The following ROBO1 variants were observed in gnomAD, a reference collection of about 807,000 sequenced individuals.
ROBO1 encodes the protein roundabout homolog 1.
Under a neutral mutation model 195.9 loss-of-function variants are expected in ROBO1, and 149 were observed. That is an observed-to-expected ratio of 0.76 (90% CI 0.67 to 0.87). ROBO1 has a LOEUF of 0.87. ROBO1 is among the 40% of genes least tolerant of loss of function. ROBO1 has a pLI of 0.00. For missense variants in ROBO1, 1,933 were observed against 2,068.3 expected (o/e 0.93, Z 1.27); for synonymous variants, 816 against 733.2 (o/e 1.11, Z -1.82).
At chr3:78,722,434 T>A (rs549637184) in intron 5 of ROBO1, among the ~76,000 whole-genome samples, 35 of 152,252 alleles carry the variant, frequency 2.3e-4, no homozygotes, top group African/African-American at 7.9e-4. Context: ...AGCATATGGT[T>A]ACACAGTGTT....
chr3:79,257,380 G>T (rs558658458), intron 2 of ROBO1, among the ~76,000 whole-genome samples: 1 of 152,270 alleles, frequency 6.6e-6, no homozygotes, highest in African/African-American at 2.4e-5. Flanking sequence ...ACAAACTGAA[G>T]TTGACTCTCT....
chr3:78,901,595 A>G (rs1460670941), intron 4 of ROBO1, among the ~76,000 whole-genome samples: 1 of 152,140 alleles, frequency 6.6e-6, no homozygotes, highest in Non-Finnish European at 1.5e-5. Context: ...TTTTAAAATT[A>G]TTTTTGACTA....
At chr3:78,693,222 A>G in intron 8 of ROBO1, 2 of 1,295,098 alleles carry the variant, frequency 1.5e-6, no homozygotes, top group Non-Finnish European at 1.1e-6. Flanking sequence ...CTTTGTGGCC[A>G]ATGACAAGTG....
At chr3:79,605,342 T>C (rs1174384179) in intron 1 of ROBO1, among the ~76,000 whole-genome samples, 2 of 151,864 alleles carry the variant, frequency 1.3e-5, no homozygotes, top group Non-Finnish European at 1.5e-5. Flanking sequence ...GATTCTTTTC[T>C]GGGAAAATTC....
chr3:79,431,381 T>G (rs1397743646), intron 2 of ROBO1, among the ~76,000 whole-genome samples: 1 of 152,122 alleles, frequency 6.6e-6, no homozygotes, highest in Non-Finnish European at 1.5e-5. Context: ...ACCGTGCAAG[T>G]GGTCCCCCAA....
chr3:78,711,031 T>C (rs1351314026), intron 8 of ROBO1, among the ~76,000 whole-genome samples: 5 of 152,212 alleles, frequency 3.3e-5, no homozygotes, highest in Non-Finnish European at 7.3e-5. Context: ...TTCACCTCCA[T>C]TCTTTTTAAA....
intron 3 of ROBO1, among the ~76,000 whole-genome samples, chr3:78,953,096 T>C (rs1257011915): frequency 6.6e-6 from 1 of 152,058 alleles, no homozygotes; most frequent in Non-Finnish European, 1.5e-5. Context: ...GAAAGAATTT[T>C]GCCTCCCCTC....
At chr3:78,738,849 T>C (rs1348205721) in intron 5 of ROBO1, among the ~76,000 whole-genome samples, 1 of 152,182 alleles carries the variant, frequency 6.6e-6, no homozygotes, top group Non-Finnish European at 1.5e-5. Context: ...AGCTATGCAA[T>C]AAGTAGATGA....
At chr3:79,393,938 A>C (rs534619436) in intron 2 of ROBO1, among the ~76,000 whole-genome samples, 2 of 152,264 alleles carry the variant, frequency 1.3e-5, no homozygotes, top group East Asian at 3.9e-4. Flanking sequence ...AGAAAAAAAG[A>C]ATCCTGCAGT....
At chr3:79,137,442 A>G (rs1361326781) in intron 2 of ROBO1, among the ~76,000 whole-genome samples, 1 of 150,802 alleles carries the variant, frequency 6.6e-6, no homozygotes, top group Non-Finnish European at 1.5e-5. Context: ...TTTTTTTCTC[A>G]TTTTCTGGTT....
intron 2 of ROBO1, among the ~76,000 whole-genome samples, chr3:79,174,173 A>G (rs1243094590): frequency 6.6e-6 from 1 of 152,074 alleles, no homozygotes; most frequent in Admixed American, 6.5e-5. Context: ...GCTCTTTGCA[A>G]TAAATCTTGC....
intron 4 of ROBO1, among the ~76,000 whole-genome samples, chr3:78,769,618 G>GTTTTTTTTT (rs34157314): frequency 1.4e-4 from 12 of 83,998 alleles, no homozygotes; most frequent in East Asian, 8.8e-4. Context: ...GTGTACTTTG[G>GTTTTTTTTT]TTTTTTTTTT....
intron 2 of ROBO1, among the ~76,000 whole-genome samples, chr3:79,245,905 C>T (rs1003887690): frequency 6.6e-6 from 1 of 152,054 alleles, no homozygotes; most frequent in Non-Finnish European, 1.5e-5. Flanking sequence ...ACTGTAATCC[C>T]ACCAGGGATC....
intron 4 of ROBO1, among the ~76,000 whole-genome samples, chr3:78,911,689 T>A (rs1251162300): frequency 3.3e-5 from 5 of 152,028 alleles, no homozygotes; most frequent in Non-Finnish European, 5.9e-5. Flanking sequence ...ATTGATATGG[T>A]CATTGCAATT....
intron 8 of ROBO1, among the ~76,000 whole-genome samples, chr3:78,711,995 T>A (rs2081763892): frequency 8.5e-6 from 1 of 118,340 alleles, no homozygotes; most frequent in Admixed American, 1.0e-4. Context: ...CAGCAGAATT[T>A]GGGATTACAA....
chr3:79,293,974 C>T (rs1426703156), intron 2 of ROBO1, among the ~76,000 whole-genome samples: 8 of 132,226 alleles, frequency 6.1e-5, no homozygotes, highest in African/African-American at 8.7e-5. Context: ...AGGAGAATGG[C>T]GTGAACCCGG....
chr3:78,656,207 C>T (rs1352618403), intron 18 of ROBO1, among the ~76,000 whole-genome samples: 1 of 151,852 alleles, frequency 6.6e-6, no homozygotes, highest in African/African-American at 2.4e-5. Context: ...TATTCCAATA[C>T]TCTTTGACAT....
chr3:79,193,882 A>G (rs1213878807), intron 2 of ROBO1, among the ~76,000 whole-genome samples: 1 of 151,586 alleles, frequency 6.6e-6, no homozygotes, highest in Non-Finnish European at 1.5e-5. Context: ...CTACAATTAT[A>G]GAAACCAAGA....
intron 2 of ROBO1, among the ~76,000 whole-genome samples, chr3:79,395,853 T>C (rs1330300790): frequency 1.3e-5 from 2 of 152,166 alleles, no homozygotes; most frequent in East Asian, 1.9e-4. Context: ...ACAGTTTTTT[T>C]CTGATTTTCC....
Sources: allele counts gnomAD v4.1 joint callset (sites outside exome capture counted in the v4.1 genomes callset), GRCh38; gene constraint gnomAD v4.1.1; transcripts MANE v1.5; gene names NCBI Gene and HGNC (gene_info 2026-07-23, HGNC 2026-07-21).